PDRG1: variants seen among roughly 807,000 people sequenced by gnomAD.
PDRG1 encodes the protein p53 and DNA damage-regulated protein 1.
PDRG1 carries 14 observed loss-of-function variants against 18.4 expected under a neutral mutation model. The observed-to-expected ratio is 0.76, with a 90% CI of 0.50 to 1.19. The LOEUF (loss-of-function observed/expected upper bound fraction) is 1.19. Among genes scored for constraint, PDRG1 ranks in the 50% most tolerant of loss-of-function variants. The probability of loss-of-function intolerance (pLI) is 0.00; values close to 1 mark genes in which losing one functional copy is unlikely to be tolerated. For missense variants in PDRG1, 177 were observed against 160.1 expected (o/e 1.11, Z -0.57); for synonymous variants, 65 against 60.9 (o/e 1.07, Z -0.31).
At chr20:31,945,978 T>C (rs2064314299) in intron 4 of PDRG1, 89 bp from the exon 5 acceptor site, 6 of 1,081,370 alleles carry the variant, frequency 5.5e-6, no homozygotes, top group African/African-American at 1.6e-5. Flanking sequence ...GCACTAATGC[T>C]GCCAAACTCA....
chr20:31,951,645 G>A (rs112274264), intron 1 of PDRG1, among the ~76,000 whole-genome samples: 2,524 of 152,296 alleles, frequency 0.017, 66 homozygotes, highest in African/African-American at 0.058. Flanking sequence ...AAACGGCCCA[G>A]AGCATGATGG....
chr20:31,947,303 G>C (rs1023254115), intron 3 of PDRG1, among the ~76,000 whole-genome samples: 4 of 152,176 alleles, frequency 2.6e-5, no homozygotes, highest in African/African-American at 9.7e-5. Context: ...CTTACAGCCT[G>C]GTTCTATTTC....
In PDRG1 at chr20:31,950,337, G is replaced by C. The variant is rs35707020; in HGVS notation, c.138C>G (p.Ala46=). The part of the protein sequence containing the change: ...KRNQNREGLR[A]LQKDLSLSED... The stretch of plus-strand genomic sequence containing the variant: ...CAGAGAGGCTGAGATCCTTCTGCAG[G>C]GCCCTCAGGCCCTCTCGATTCTGAT... The change falls in exon 2 of 5, where the codon GCC becomes GCG. Residue 46 remains alanine (A), a synonymous_variant. Coordinates refer to ENST00000202017, the MANE Select transcript of PDRG1 (RefSeq NM_030815.3). 1 of 1,612,364 alleles carries C rather than the reference G, an allele frequency of 6.2e-7. No homozygotes were observed. Among genetic ancestry groups the C allele is most frequent in the Non-Finnish European group, 8.5e-7 (1 of 1,178,390 alleles).
In PDRG1 at chr20:31,945,649, C is replaced by G. The variant is rs993478295; in HGVS notation, c.*158G>C. The G allele has an allele frequency of 1.8e-6, 1 of 554,152 alleles. No homozygotes were observed. The highest frequency in any genetic ancestry group is 3.1e-6 in the Non-Finnish European group (1 of 319,052). The allele number at this position is 554,152 out of a possible 1,614,324, so 34.3% of individuals were successfully genotyped here. On this transcript the variant is annotated 3_prime_UTR_variant, in exon 5 of 5. Transcript: ENST00000202017. ...GGCTGAAGGTTCCCTCCTGCCATCA[C>G]AGAGTAGCCAAGCACTACAAAGAGG...
chr20:31,950,471 A>T, intron 1 of PDRG1, 84 bp from the exon 2 acceptor site: 1 of 1,009,694 alleles, frequency 9.9e-7, no homozygotes, highest in Non-Finnish European at 1.6e-6. Flanking sequence ...TGCAGAGGCA[A>T]TGCATTATTC....
At chr20:31,947,749 G>A (rs191313302) in intron 3 of PDRG1, among the ~76,000 whole-genome samples, 388 of 152,230 alleles carry the variant, frequency 2.5e-3, no homozygotes, top group African/African-American at 8.2e-3. Flanking sequence ...AATTAGCCAC[G>A]CATGATGGCA....
intron 4 of PDRG1, 96 bp from the exon 5 acceptor site, chr20:31,945,985 C>A: frequency 9.8e-7 from 1 of 1,021,344 alleles, no homozygotes; most frequent in Non-Finnish European, 1.5e-6. Context: ...TGCTGCCAAA[C>A]TCAGCCTGGA....
At chr20:31,950,448 G>A in intron 1 of PDRG1, 61 bp from the exon 2 acceptor site, 2 of 1,299,820 alleles carry the variant, frequency 1.5e-6, no homozygotes, top group African/African-American at 2.9e-5. Flanking sequence ...GTCACCTCTT[G>A]ACAGACAAGG....
At chr20:31,950,567 T>C (rs1361260109) in intron 1 of PDRG1, among the ~76,000 whole-genome samples, 180 bp from the exon 2 acceptor site, 2 of 152,242 alleles carry the variant, frequency 1.3e-5, no homozygotes, top group African/African-American at 4.8e-5. Context: ...TTAAAGACAA[T>C]GCTTTGTGCA....
At chr20:31,949,951 A>T (rs1381113937) in intron 2 of PDRG1, among the ~76,000 whole-genome samples, 1 of 152,094 alleles carries the variant, frequency 6.6e-6, no homozygotes, top group Non-Finnish European at 1.5e-5. Context: ...CCCAAGTCCA[A>T]TTCCATCTCT....
chr20:31,950,448 G>C (rs887185373), intron 1 of PDRG1, 61 bp from the exon 2 acceptor site: 17 of 1,299,702 alleles, frequency 1.3e-5, no homozygotes, highest in Non-Finnish European at 1.9e-5. Flanking sequence ...GTCACCTCTT[G>C]ACAGACAAGG....
intron 1 of PDRG1, among the ~76,000 whole-genome samples, chr20:31,951,651 G>C (rs2064353048): frequency 6.6e-6 from 1 of 152,220 alleles, no homozygotes; most frequent in Non-Finnish European, 1.5e-5. Context: ...CCCAGAGCAT[G>C]ATGGGTCGAG....
chr20:31,951,998 C>A lies in PDRG1; in HGVS notation c.-37G>T. 6.7e-7 allele frequency: 1 copy of A among 1,502,040 alleles called. No homozygotes were observed. The highest frequency in any genetic ancestry group is 2.7e-5 in the East Asian group (1 of 37,174). The allele number at this position is 1,502,040 out of a possible 1,614,324, so 93.0% of individuals were successfully genotyped here. On this transcript the variant is annotated 5_prime_UTR_variant, in exon 1 of 5. Transcript: ENST00000202017. The stretch of plus-strand genomic sequence containing the variant: ...ACTCCGCTTGCGGCTCTCGCGCGAC[C>A]CCGGGATCTCCGCTTCGACTCCCGC...
rs749495787 is a variant in PDRG1 at position 31,948,761 on chromosome 20, T to TG, written c.238+46dup. ...CCCTGTTCTGGGTTAAGACCAAAGC[T>TG]GGTGGGAGAGGCAGCACACCCCTGA... On this transcript the variant is annotated intron_variant, in intron 3 of 4. Transcript: ENST00000202017. The TG allele has an allele frequency of 2.0e-5, 31 of 1,542,548 alleles. No homozygotes were observed. The Admixed American group carries it at 5.6e-4, about 28-fold the overall frequency.
chr20:31,951,929 C>A lies in PDRG1; in HGVS notation c.33G>T (p.Arg11=), dbSNP rs538388186. MLSPEAERVL[R]YLVEVEELAE... ...CGAGCTCCTCCACTTCTACAAGGTA[C>A]CGCAGCACTCGCTCTGCCTCGGGTG... The change falls in exon 1 of 5, where the codon CGG becomes CGT. Residue 11 remains arginine (R), a synonymous_variant. Coordinates refer to ENST00000202017, the MANE Select transcript of PDRG1 (RefSeq NM_030815.3). The A allele has an allele frequency of 6.3e-7, 1 of 1,592,664 alleles. No homozygotes were observed. Among genetic ancestry groups the A allele is most frequent in the Non-Finnish European group, 8.5e-7 (1 of 1,170,484 alleles).
At position 31,951,909 on chromosome 20, in the gene PDRG1, T is replaced by G; in HGVS notation, c.53A>C (p.Glu18Ala). The change falls in exon 1 of 5, where the codon GAG becomes GCG. Residue 18 changes from glutamate (E) to alanine (A), a missense_variant. Transcript: ENST00000202017. ...GTCCGCCAGCACCTCCTCGGCGAGCTCCTCCACTTCTACAAGGTACCGCAG... is the reference window on the plus strand; with the variant it reads ...GTCCGCCAGCACCTCCTCGGCGAGCGCCTCCACTTCTACAAGGTACCGCAG... ...RVLRYLVEVE[E>A]LAEEVLADKR... 1 of 1,592,922 alleles carries G rather than the reference T, an allele frequency of 6.3e-7. No individual in the cohort carries two copies. Among genetic ancestry groups the G allele is most frequent in the Non-Finnish European group, 8.5e-7 (1 of 1,170,580 alleles).
chr20:31,945,527 C>T lies in PDRG1; in HGVS notation c.*280G>A, dbSNP rs746586598. The T allele has an allele frequency of 8.8e-6, 3 of 341,438 alleles. No homozygotes were observed. The highest frequency in any genetic ancestry group is 8.3e-4 in the Middle Eastern group (1 of 1,212). The allele number at this position is 341,438 out of a possible 1,614,324, so 21.2% of individuals were successfully genotyped here. A position where few individuals can be genotyped will look rare whatever the true frequency, so the allele number is the denominator to read the frequency against. On this transcript the variant is annotated 3_prime_UTR_variant, in exon 5 of 5. Coordinates refer to ENST00000202017, the MANE Select transcript of PDRG1 (RefSeq NM_030815.3). Reference sequence around the variant, plus strand: ...CCTGTTGCAGTCATTCTTACACCCCCACAGCCACTGCCCCACACACCCACT... The same window carrying T: ...CCTGTTGCAGTCATTCTTACACCCCTACAGCCACTGCCCCACACACCCACT...
Position 31,945,172 on chromosome 20 carries a change from G to C in PDRG1, c.*635C>G, listed in dbSNP as rs2064303131. On this transcript the variant is annotated 3_prime_UTR_variant, in exon 5 of 5. Transcript: ENST00000202017. Reference sequence around the variant, plus strand: ...TCACCCAGGCCTGGTGCAGGACTCTGCAAGGCCCTCCTGAGTAAAGAGTGG... The same window carrying C: ...TCACCCAGGCCTGGTGCAGGACTCTCCAAGGCCCTCCTGAGTAAAGAGTGG... 1 of 152,470 alleles carries C rather than the reference G, an allele frequency of 6.6e-6. No homozygotes were observed. Among genetic ancestry groups the C allele is most frequent in the African/African-American group, 2.4e-5 (1 of 41,444 alleles). 9.4% of individuals were successfully genotyped at this position (152,470 alleles called of 1,614,324 possible).
Position 31,945,542 on chromosome 20 carries a change from A to C in PDRG1, c.*265T>G. 1 of 392,028 alleles carries C rather than the reference A, an allele frequency of 2.6e-6. No homozygotes were observed. The highest frequency in any genetic ancestry group is 4.6e-6 in the Non-Finnish European group (1 of 215,158). 24.3% of individuals were successfully genotyped at this position (392,028 alleles called of 1,614,324 possible). A position where few individuals can be genotyped will look rare whatever the true frequency, so the allele number is the denominator to read the frequency against. On this transcript the variant is annotated 3_prime_UTR_variant, in exon 5 of 5. Transcript: ENST00000202017. ...CTTACACCCCCACAGCCACTGCCCCACACACCCACTGGTGGCTACCAAGGC... is the reference window on the plus strand; with the variant it reads ...CTTACACCCCCACAGCCACTGCCCCCCACACCCACTGGTGGCTACCAAGGC...
Sources: allele counts gnomAD v4.1 joint callset (sites outside exome capture counted in the v4.1 genomes callset), GRCh38; gene constraint gnomAD v4.1.1; transcripts MANE v1.5; gene names NCBI Gene and HGNC (gene_info 2026-07-23, HGNC 2026-07-21).